Variants in PLEKHH2 observed in about 807,000 individuals in gnomAD.
PLEKHH2 encodes the protein pleckstrin homology domain-containing family H member 2.
A neutral mutation model predicts 187.9 loss-of-function variants in PLEKHH2; 129 were observed. The observed-to-expected ratio is 0.69, with a 90% confidence interval of 0.59 to 0.79. The LOEUF is 0.79. PLEKHH2 is among the 30% of genes least tolerant of loss of function. The pLI is 0.00. For missense variants in PLEKHH2, 2,076 were observed against 1,751.2 expected (o/e 1.19, Z -3.31); for synonymous variants, 686 against 605.6 (o/e 1.13, Z -1.95).
At chr2:43,644,288 T>C (rs1666084449) in intron 1 of PLEKHH2, among the ~76,000 whole-genome samples, 1 of 152,160 alleles carries the variant, frequency 6.6e-6, no homozygotes, top group African/African-American at 2.4e-5. Context: ...TAACACTCTG[T>C]GTTTGTGTGG....
chr2:43,695,222 A>G lies in PLEKHH2; in HGVS notation c.500A>G (p.Gln167Arg), dbSNP rs1457249582. The change falls in exon 6 of 30, where the codon CAA becomes CGA. Residue 167 changes from glutamine to arginine, a missense_variant and splice_region_variant. Coordinates refer to ENST00000282406, the MANE Select transcript of PLEKHH2 (RefSeq NM_172069.4). ...ATAAGAACAATGCAGTCAAAACTAC[A>G]AGGTACAAATACTTTACTAAGATAG... ...EEIRTMQSKLQEVQGKKSSTV... is the reference protein window; with the variant it reads ...EEIRTMQSKLREVQGKKSSTV... 6.4e-7 allele frequency: 1 copy of G among 1,566,274 alleles called. No homozygotes were observed. The highest frequency in any genetic ancestry group is 1.2e-5 in the South Asian group (1 of 85,266).
At chr2:43,649,824 G>C (rs1247031531) in intron 2 of PLEKHH2, among the ~76,000 whole-genome samples, 1 of 152,184 alleles carries the variant, frequency 6.6e-6, no homozygotes, top group Non-Finnish European at 1.5e-5. Context: ...ACGTGGCAGG[G>C]AACTGCTGTC....
At position 43,758,967 on chromosome 2, in the gene PLEKHH2, C is replaced by T. The variant is rs745723867; in HGVS notation, c.4009C>T (p.Arg1337Cys). The change falls in exon 27 of 30, where the codon CGC (arginine) becomes TGC (cysteine). Residue 1337 changes from arginine to cysteine, a missense_variant. Transcript: ENST00000282406. ...GGGACACAGTGCTGCTGACTGTGTG[C>T]GCATTTATTTGACAGTAGCCAGGAA... is the stretch of plus-strand genomic sequence containing the variant. ...LRGHSAADCV[R>C]IYLTVARKWP... 2.2e-5 allele frequency: 36 copies of T among 1,612,246 alleles called. No individual in the cohort carries two copies. Among genetic ancestry groups the T allele is most frequent in the African/African-American group, 4.0e-5 (3 of 74,960 alleles).
At chr2:43,678,302 C>A (rs555843885) in intron 2 of PLEKHH2, among the ~76,000 whole-genome samples, 1 of 151,882 alleles carries the variant, frequency 6.6e-6, no homozygotes, top group Non-Finnish European at 1.5e-5. Context: ...ACTTCCCAGA[C>A]GGGGTGGCGG....
chr2:43,659,727 T>C (rs1574491776), intron 2 of PLEKHH2, among the ~76,000 whole-genome samples: 1 of 151,950 alleles, frequency 6.6e-6, no homozygotes, highest in African/African-American at 2.4e-5. Flanking sequence ...CCTGGGTAAT[T>C]TTTGTATTTT....
chr2:43,677,705 G>C (rs1262173934), intron 2 of PLEKHH2, among the ~76,000 whole-genome samples: 8 of 151,748 alleles, frequency 5.3e-5, no homozygotes, highest in Admixed American at 5.2e-4. Flanking sequence ...TTCTCAATGA[G>C]CTGTTGGGTA....
At chr2:43,723,191 C>T in intron 16 of PLEKHH2, among the ~76,000 whole-genome samples, 1 of 152,160 alleles carries the variant, frequency 6.6e-6, no homozygotes, top group South Asian at 2.1e-4. Flanking sequence ...TTGTTTTCTT[C>T]ATCCTATTAT....
Position 43,742,873 on chromosome 2 carries a change from T to G in PLEKHH2, c.3354T>G (p.Ser1118=). ...TTCTCCGAAACCCTTATCACCATTC[T>G]TTGCCCTTTAGTATACCTGTGCACT... ...STLLRNPYHH[S]LPFSIPVHFM... The change falls in exon 22 of 30, where the codon TCT becomes TCG. Residue 1118 remains serine, a synonymous_variant. Coordinates refer to ENST00000282406, the MANE Select transcript of PLEKHH2 (RefSeq NM_172069.4). 6.2e-7 allele frequency: 1 copy of G among 1,606,446 alleles called. No homozygotes were observed. Among genetic ancestry groups the G allele is most frequent in the African/African-American group, 1.3e-5 (1 of 74,598 alleles).
At chr2:43,649,487 T>A (rs1202341892) in intron 2 of PLEKHH2, among the ~76,000 whole-genome samples, 1 of 152,262 alleles carries the variant, frequency 6.6e-6, no homozygotes, top group Non-Finnish European at 1.5e-5. Context: ...TTTGTGAATG[T>A]GATCCCCTTG....
intron 28 of PLEKHH2, among the ~76,000 whole-genome samples, chr2:43,763,776 C>G (rs962784923): frequency 1.3e-5 from 2 of 152,046 alleles, no homozygotes; most frequent in Admixed American, 6.6e-5. Flanking sequence ...ATACGTGATA[C>G]TGTTTCTGTT....
At chr2:43,641,501 AT>A (rs34581594) in intron 1 of PLEKHH2, among the ~76,000 whole-genome samples, 9 of 149,998 alleles carry the variant, frequency 6.0e-5, no homozygotes, top group South Asian at 2.1e-4. Context: ...TTGTTTTGCA[AT>A]TTTTTTTTTT....
intron 11 of PLEKHH2, among the ~76,000 whole-genome samples, chr2:43,708,842 T>C (rs1669802557): frequency 6.6e-6 from 1 of 152,182 alleles, no homozygotes; most frequent in Non-Finnish European, 1.5e-5. Flanking sequence ...ATCACTGAGG[T>C]CCCTATAGGT....
intron 24 of PLEKHH2, among the ~76,000 whole-genome samples, chr2:43,749,058 A>T (rs62136409): frequency 6.6e-6 from 1 of 152,216 alleles, no homozygotes; most frequent in Non-Finnish European, 1.5e-5. Context: ...CGCCCAGCCA[A>T]GACTATTCCT....
rs959285801 is a variant in PLEKHH2 at position 43,753,690 on chromosome 2, A to C, written c.3725A>C (p.Asp1242Ala). 4.4e-6 allele frequency: 7 copies of C among 1,586,968 alleles called. No individual in the cohort carries two copies. In the African/African-American group the frequency reaches 9.5e-5, roughly 22 times the overall value. The change falls in exon 25 of 30, where the codon GAT (aspartate) becomes GCT (alanine). Residue 1242 changes from aspartate (D) to alanine (A), a missense_variant. Asp to Ala is a moderately radical substitution (Grantham distance 126). Transcript: ENST00000282406. The stretch of plus-strand genomic sequence containing the variant: ...TTGCTGTTAATGTATCAGACAAATG[A>C]TCAAATCATAAATGGACTTTTTCCT... The part of the protein sequence containing the change: ...EKLLLMYQTN[D>A]QIINGLFPLN...
chr2:43,767,506 A>G lies in PLEKHH2; in HGVS notation c.*1908A>G, dbSNP rs2104638262. On this transcript the variant is annotated 3_prime_UTR_variant, in exon 30 of 30. Coordinates refer to ENST00000282406, the MANE Select transcript of PLEKHH2 (RefSeq NM_172069.4). Reference sequence around the variant, plus strand: ...CATCGAATAAGCAAATTTGTTTTTGAGAATAAACTGGTAACCAGTTTGTGA... The same window carrying G: ...CATCGAATAAGCAAATTTGTTTTTGGGAATAAACTGGTAACCAGTTTGTGA... 1 of 152,482 alleles carries G rather than the reference A, an allele frequency of 6.6e-6. No individual in the cohort carries two copies. The highest frequency in any genetic ancestry group is 2.1e-4 in the South Asian group (1 of 4,832). The allele number at this position is 152,482 out of a possible 1,614,324, so 9.4% of individuals were successfully genotyped here.
At chr2:43,655,813 C>G (rs540599123) in intron 2 of PLEKHH2, among the ~76,000 whole-genome samples, 1 of 152,274 alleles carries the variant, frequency 6.6e-6, no homozygotes, top group South Asian at 2.1e-4. Flanking sequence ...TTTGCAACAG[C>G]AGCAGACTTT....
chr2:43,703,616 T>A (rs1178373104), intron 8 of PLEKHH2, among the ~76,000 whole-genome samples: 1 of 152,188 alleles, frequency 6.6e-6, no homozygotes, highest in East Asian at 1.9e-4. Context: ...ACTCATGGTT[T>A]TTCTCCCCAC....
chr2:43,644,123 T>C (rs1204979145), intron 1 of PLEKHH2, among the ~76,000 whole-genome samples: 1 of 152,042 alleles, frequency 6.6e-6, no homozygotes, highest in Non-Finnish European at 1.5e-5. Flanking sequence ...CCTGGCCAAA[T>C]TGAGAGTGAT....
Position 43,765,644 on chromosome 2 carries a change from C to A in PLEKHH2, c.*46C>A. On this transcript the variant is annotated 3_prime_UTR_variant, in exon 30 of 30. Coordinates refer to ENST00000282406, the MANE Select transcript of PLEKHH2 (RefSeq NM_172069.4). ...TCACTCCTTGTCCTCCATGCTGTGGCTGTATCAGCTCCCTACAAGTTCGTT... is the reference window on the plus strand; with the variant it reads ...TCACTCCTTGTCCTCCATGCTGTGGATGTATCAGCTCCCTACAAGTTCGTT... The A allele has an allele frequency of 6.3e-7, 1 of 1,576,058 alleles. No individual in the cohort carries two copies.
Sources: allele counts gnomAD v4.1 joint callset (sites outside exome capture counted in the v4.1 genomes callset), GRCh38; gene constraint gnomAD v4.1.1; transcripts MANE v1.5; gene names NCBI Gene and HGNC (gene_info 2026-07-23, HGNC 2026-07-21).